Variants in SPDYA observed in about 807,000 individuals in gnomAD.
SPDYA encodes the protein speedy protein A.
Under a neutral mutation model 36.7 loss-of-function variants are expected in SPDYA, and 11 were observed. That is an observed-to-expected ratio of 0.30 (90% CI 0.19 to 0.50). The LOEUF is 0.50. SPDYA is among the 20% of genes least tolerant of loss of function. SPDYA has a pLI of 0.98. For synonymous variants in SPDYA, 115 were observed against 118.7 expected, an observed-to-expected ratio of 0.97 and a Z score of 0.20; for missense variants, 287 against 370.9, an observed-to-expected ratio of 0.77 and a Z score of 1.86.
chr2:28,841,216 G>A (rs1451642438), intron 7 of SPDYA, among the ~76,000 whole-genome samples: 2 of 151,994 alleles, frequency 1.3e-5, no homozygotes, highest in Non-Finnish European at 2.9e-5. Context: ...TTACGGACAC[G>A]AGCTACCGCA....
chr2:28,840,600 T>C, intron 7 of SPDYA, 131 bp downstream of exon 7: 3 of 1,414,864 alleles, frequency 2.1e-6, no homozygotes, highest in Admixed American at 3.2e-5. Context: ...CTTGAAACTT[T>C]CTCCCCTTTC....
At chr2:28,826,740 G>A (rs1473020529) in intron 5 of SPDYA, among the ~76,000 whole-genome samples, 2 of 137,588 alleles carry the variant, frequency 1.5e-5, no homozygotes, top group Admixed American at 8.0e-5. Flanking sequence ...TCAATCTCCC[G>A]AATAGCTGGG....
At chr2:28,845,990 A>C (rs763959622) in intron 7 of SPDYA, among the ~76,000 whole-genome samples, 3 of 152,244 alleles carry the variant, frequency 2.0e-5, no homozygotes, top group Non-Finnish European at 4.4e-5. Context: ...TAGAAACTTC[A>C]GAAGTTCCCA....
intron 6 of SPDYA, among the ~76,000 whole-genome samples, chr2:28,832,385 C>G (rs192149774): frequency 6.6e-6 from 1 of 152,156 alleles, no homozygotes; most frequent in Non-Finnish European, 1.5e-5. Context: ...TCACCAACTT[C>G]ATTAGAGTGC....
At chr2:28,816,275 G>T (rs113861618) in intron 3 of SPDYA, 26 bp downstream of exon 3, 6 of 1,493,754 alleles carry the variant, frequency 4.0e-6, no homozygotes, top group Non-Finnish European at 5.5e-6. Context: ...TGTAATAGTG[G>T]TAATTATAAA....
chr2:28,840,671 A>T (rs1273219175), intron 7 of SPDYA: 18 of 1,322,012 alleles, frequency 1.4e-5, no homozygotes, highest in Non-Finnish European at 1.7e-5. Flanking sequence ...CAGATTTTTA[A>T]TGTGACCTAT....
rs543787666 is a variant in SPDYA, at chr2:28,812,066, C to T, written c.-93+1119C>T. Among the ~76,000 whole-genome samples the T allele has an allele frequency of 3.2e-3, 493 of 152,282 alleles. 2 individuals are homozygous for T. The highest frequency in any genetic ancestry group is 0.011 in the African/African-American group (452 of 41,554). ...AGAATATGGGACTTTGATGTCAGTT[C>T]TGCATTCAAATTCTAGCTTTATCAC... On this transcript the variant is annotated intron_variant, in intron 1 of 7. Transcript: ENST00000334056.
chr2:28,848,980 G>A (rs1351433198), intron 7 of SPDYA, among the ~76,000 whole-genome samples: 1 of 151,968 alleles, frequency 6.6e-6, no homozygotes, highest in South Asian at 2.1e-4. Context: ...GGGAGATTGA[G>A]GCTGCAATGA....
At chr2:28,835,525 C>T (rs1307034427) in intron 6 of SPDYA, among the ~76,000 whole-genome samples, 3 of 152,130 alleles carry the variant, frequency 2.0e-5, no homozygotes, top group African/African-American at 4.8e-5. Context: ...GCATGAGCGC[C>T]CAGCCTTATT....
At chr2:28,821,266 C>T (rs568515358) in intron 4 of SPDYA, among the ~76,000 whole-genome samples, 35 of 130,082 alleles carry the variant, frequency 2.7e-4, no homozygotes, top group African/African-American at 1.0e-3. Context: ...GTGGCGTGAT[C>T]TCAGCTCACT....
chr2:28,847,084 T>G (rs1668896434), intron 7 of SPDYA, among the ~76,000 whole-genome samples: 1 of 152,222 alleles, frequency 6.6e-6, no homozygotes, highest in Non-Finnish European at 1.5e-5. Flanking sequence ...GGCTCATTCC[T>G]GTAATCCCAG....
Position 28,850,035 on chromosome 2 carries a change from C to A in SPDYA, c.*94C>A. On this transcript the variant is annotated 3_prime_UTR_variant, in exon 8 of 8. Coordinates refer to ENST00000334056, the MANE Select transcript of SPDYA (RefSeq NM_182756.4). ...AAAATGGGATGTTTAAGCAGTTTTG[C>A]TATGTTATACATCTTTTAGTTGTTA... is the stretch of plus-strand genomic sequence containing the variant. 8.4e-7 allele frequency: 1 copy of A among 1,185,846 alleles called. No homozygotes were observed. The highest frequency in any genetic ancestry group is 2.4e-5 in the East Asian group (1 of 42,072). 73.5% of individuals were successfully genotyped at this position (1,185,846 alleles called of 1,614,324 possible). A position where few individuals can be genotyped will look rare whatever the true frequency, so the allele number is the denominator to read the frequency against.
intron 7 of SPDYA, among the ~76,000 whole-genome samples, chr2:28,843,313 C>A (rs1244598913): frequency 2.0e-5 from 3 of 151,996 alleles, no homozygotes; most frequent in Non-Finnish European, 4.4e-5. Flanking sequence ...CTTTGGGAGG[C>A]CAAGAGGGGG....
intron 5 of SPDYA, among the ~76,000 whole-genome samples, chr2:28,828,215 G>A (rs2148090254): frequency 6.6e-6 from 1 of 152,124 alleles, no homozygotes; most frequent in Admixed American, 6.5e-5. Flanking sequence ...TTGAACTCCT[G>A]GCCTCAAGCA....
At chr2:28,820,207 ATGT>A (rs1458108433) in intron 4 of SPDYA, among the ~76,000 whole-genome samples, 4 of 152,098 alleles carry the variant, frequency 2.6e-5, no homozygotes, top group Non-Finnish European at 5.9e-5. Flanking sequence ...TTAGTTTAAC[ATGT>A]TGTTTAGGAA....
intron 5 of SPDYA, among the ~76,000 whole-genome samples, chr2:28,823,455 C>G (rs1298426374): frequency 1.3e-5 from 2 of 151,242 alleles, no homozygotes; most frequent in Non-Finnish European, 2.9e-5. Context: ...GAAAGCCTGT[C>G]TCTACTAAAA....
At chr2:28,840,661 CAG>C in intron 7 of SPDYA, 192 bp downstream of exon 7, 1 of 1,350,680 alleles carries the variant, frequency 7.4e-7, no homozygotes, top group Non-Finnish European at 9.5e-7. Context: ...CCCACCTAAA[CAG>C]ATTTTTAATG....
chr2:28,813,613 A>G (rs1667907459), intron 1 of SPDYA, among the ~76,000 whole-genome samples: 2 of 149,682 alleles, frequency 1.3e-5, no homozygotes, highest in African/African-American at 4.9e-5. Flanking sequence ...GTGCAGTGGC[A>G]TGATCTCGGC....
chr2:28,811,274 T>A lies in SPDYA; in HGVS notation c.-93+327T>A, dbSNP rs1448669124. 6.6e-6 allele frequency: 1 copy of A among 152,242 alleles called. No homozygotes were observed. Among genetic ancestry groups the A allele is most frequent in the Non-Finnish European group, 1.5e-5 (1 of 68,062 alleles). 9.4% of individuals were successfully genotyped at this position (152,242 alleles called of 1,614,324 possible). A position where few individuals can be genotyped will look rare whatever the true frequency, so the allele number is the denominator to read the frequency against. On this transcript the variant is annotated intron_variant, in intron 1 of 7. Transcript: ENST00000334056. The surrounding 1 kb of genome is among the most constrained non-coding windows in gnomAD (Gnocchi z 4.2). Reference sequence around the variant, plus strand: ...GACGGGCAGGGCCGATACCGGAGGCTGCTCCCGAAGCTCGGCCGTCTGCTC... The same window carrying A: ...GACGGGCAGGGCCGATACCGGAGGCAGCTCCCGAAGCTCGGCCGTCTGCTC...
Sources: gnomAD v4.1 joint callset for allele counts (sites outside exome capture counted in the v4.1 genomes callset) on GRCh38, gnomAD v4.1.1 for gene constraint, Gnocchi (gnomAD v3.1) non-coding constraint, MANE v1.5 for transcripts, NCBI Gene and HGNC (gene_info 2026-07-23, HGNC 2026-07-21) for gene names.